Variants in MOCOS observed in about 807,000 individuals in gnomAD.
The protein encoded by MOCOS is molybdenum cofactor sulfurase.
Under a neutral mutation model 83.6 loss-of-function variants are expected in MOCOS, and 86 were observed. That is an observed-to-expected ratio of 1.03 (90% confidence interval 0.86 to 1.23). MOCOS has a LOEUF of 1.23. MOCOS is among the 50% of genes most tolerant of loss of function. MOCOS has a pLI of 0.00. For missense variants in MOCOS, 1,120 were observed against 1,126.9 expected (o/e 0.99, Z 0.09); for synonymous variants, 445 against 434.7 (o/e 1.02, Z -0.29).
chr18:36,194,599 A>C (rs919939080), intron 1 of MOCOS, among the ~76,000 whole-genome samples: 1 of 152,228 alleles, frequency 6.6e-6, no homozygotes, highest in Non-Finnish European at 1.5e-5. Context: ...TACATTTTAA[A>C]GCATGAACTG....
intron 10 of MOCOS, 56 bp downstream of exon 10, chr18:36,249,056 G>T (rs993725038): frequency 2.7e-6 from 4 of 1,463,302 alleles, no homozygotes; most frequent in Non-Finnish European, 3.8e-6. Context: ...GGCACAGAGG[G>T]GGAAGAGGGT....
chr18:36,263,158 C>T (rs1598596809), intron 13 of MOCOS, among the ~76,000 whole-genome samples: 1 of 152,136 alleles, frequency 6.6e-6, no homozygotes, highest in African/African-American at 2.4e-5. Flanking sequence ...ATACTCAGTG[C>T]CGAAGCAATT....
intron 7 of MOCOS, among the ~76,000 whole-genome samples, chr18:36,214,927 C>T (rs371372029): frequency 2.0e-5 from 3 of 152,222 alleles, no homozygotes; most frequent in Non-Finnish European, 4.4e-5. Flanking sequence ...CAACACCAGG[C>T]AGCCGGGCTC....
intron 6 of MOCOS, 64 bp downstream of exon 6, chr18:36,205,340 G>A: frequency 1.3e-6 from 2 of 1,536,000 alleles, no homozygotes; most frequent in Non-Finnish European, 1.8e-6. Flanking sequence ...CGAGAGCAAT[G>A]TAGTGTGACA....
intron 8 of MOCOS, among the ~76,000 whole-genome samples, chr18:36,218,655 CA>C (rs2091483662): frequency 2.6e-5 from 4 of 152,090 alleles, no homozygotes; most frequent in African/African-American, 9.6e-5. Context: ...GCTGAGACTA[CA>C]GGCATACACC....
chr18:36,261,288 A>G (rs1190677709), intron 13 of MOCOS, among the ~76,000 whole-genome samples: 3 of 152,200 alleles, frequency 2.0e-5, no homozygotes, highest in Admixed American at 6.5e-5. Flanking sequence ...GAATATGACC[A>G]CTGGAGCATT....
intron 9 of MOCOS, among the ~76,000 whole-genome samples, chr18:36,223,816 T>C (rs1180553302): frequency 1.3e-5 from 2 of 152,204 alleles, no homozygotes; most frequent in African/African-American, 4.8e-5. Flanking sequence ...GTATTTCACC[T>C]CCTTAGATAA....
At chr18:36,235,019 G>C (rs1046125187) in intron 9 of MOCOS, among the ~76,000 whole-genome samples, 5 of 151,912 alleles carry the variant, frequency 3.3e-5, no homozygotes, top group African/African-American at 1.2e-4. Flanking sequence ...ATTTGGATGG[G>C]GATACAGAGC....
intron 9 of MOCOS, among the ~76,000 whole-genome samples, chr18:36,241,849 C>A (rs556641046): frequency 6.6e-6 from 1 of 152,248 alleles, no homozygotes; most frequent in Non-Finnish European, 1.5e-5. Flanking sequence ...GGGGCTTGCA[C>A]CTTCTGAAGC....
chr18:36,249,053 AG>A, intron 10 of MOCOS, 53 bp downstream of exon 10: 1 of 1,457,826 alleles, frequency 6.9e-7, no homozygotes, highest in South Asian at 1.1e-5. Flanking sequence ...GCTGGCACAG[AG>A]GGGGAAGAGG....
intron 11 of MOCOS, among the ~76,000 whole-genome samples, chr18:36,253,596 G>A (rs1598592727): frequency 6.6e-6 from 1 of 151,990 alleles, no homozygotes; most frequent in East Asian, 1.9e-4. Context: ...AACCCAGGAG[G>A]CAGAGGTTGC....
At chr18:36,197,250 G>C (rs1568048671) in intron 2 of MOCOS, among the ~76,000 whole-genome samples, 1 of 152,152 alleles carries the variant, frequency 6.6e-6, no homozygotes, top group African/African-American at 2.4e-5. Flanking sequence ...CTTAGATTAA[G>C]TGGCGTTCAT....
intron 1 of MOCOS, among the ~76,000 whole-genome samples, chr18:36,188,166 G>A (rs2091349668): frequency 6.6e-6 from 1 of 152,206 alleles, no homozygotes; most frequent in Non-Finnish European, 1.5e-5. Flanking sequence ...TCTTGGCCGG[G>A]GCCTCCCGAG....
intron 8 of MOCOS, among the ~76,000 whole-genome samples, chr18:36,218,430 A>AC (rs1568055946): frequency 6.6e-6 from 1 of 152,042 alleles, no homozygotes; most frequent in Non-Finnish European, 1.5e-5. Flanking sequence ...TTTTGGGGAA[A>AC]CAGTTTAAAA....
intron 9 of MOCOS, 127 bp from the exon 10 acceptor site, chr18:36,248,795 G>T: frequency 1.3e-6 from 1 of 761,404 alleles, no homozygotes; most frequent in South Asian, 1.5e-5. Flanking sequence ...TGTCACATTG[G>T]TCTATGTGTC....
At chr18:36,251,942 C>A (rs1013133926) in intron 11 of MOCOS, among the ~76,000 whole-genome samples, 1 of 152,160 alleles carries the variant, frequency 6.6e-6, no homozygotes, top group Admixed American at 6.5e-5. Flanking sequence ...AACGTAGCAA[C>A]CTTCCCTGTC....
At chr18:36,266,935 G>A in intron 14 of MOCOS, 82 bp downstream of exon 14, 1 of 1,197,664 alleles carries the variant, frequency 8.3e-7, no homozygotes, top group Middle Eastern at 1.9e-4. Context: ...ATAGCACAGA[G>A]TTATTTTTTT....
In MOCOS at chr18:36,216,006, T is replaced by G. The variant is rs751493196; in HGVS notation, c.1797+29T>G. 5 of 1,587,448 alleles carry G rather than the reference T, an allele frequency of 3.1e-6. No individual in the cohort carries two copies. The African/African-American group carries it at 4.0e-5, about 13-fold the overall frequency. Reference sequence around the variant, plus strand: ...AGGAATTTCACAGCAGCACAGAAAGTCTTCTCTTTGTTTACTCTCTCTATT... The same window carrying G: ...AGGAATTTCACAGCAGCACAGAAAGGCTTCTCTTTGTTTACTCTCTCTATT... On this transcript the variant is annotated intron_variant, in intron 8 of 14. Transcript: ENST00000261326.
At chr18:36,267,032 T>G (rs114958708) in intron 14 of MOCOS, among the ~76,000 whole-genome samples, 179 bp downstream of exon 14, 1,981 of 142,702 alleles carry the variant, frequency 0.014, 36 homozygotes, top group African/African-American at 0.046. Context: ...TTCCTTTCCA[T>G]CCAAGTTCTC....
Sources: allele counts gnomAD v4.1 joint callset (sites outside exome capture counted in the v4.1 genomes callset), GRCh38; gene constraint gnomAD v4.1.1; transcripts MANE v1.5; gene names NCBI Gene and HGNC (gene_info 2026-07-23, HGNC 2026-07-21).